CD163L1: variants seen among roughly 807,000 people sequenced by gnomAD.
CD163L1 encodes CD163 molecule like 1.
CD163L1 carries 124 observed loss-of-function variants against 165.4 expected under a neutral mutation model. That is an observed-to-expected ratio of 0.75 (90% CI 0.65 to 0.87). The LOEUF is 0.87. Among genes scored for constraint, CD163L1 ranks in the 40% least tolerant of loss-of-function variants. CD163L1 has a pLI of 0.00. For missense variants in CD163L1, 1,525 were observed against 1,799.9 expected (o/e 0.85, Z 2.76); for synonymous variants, 585 against 662.2 (o/e 0.88, Z 1.79).
At chr12:7,327,179 T>C in the CD163L1 span, 10 of 1,421,100 alleles carry the variant, frequency 7.0e-6, no homozygotes, top group African/African-American at 7.2e-5. Context: ...ATTTTGATTT[T>C]ATAGTAGCTC....
At chr12:7,321,292 A>T in the CD163L1 span, among the ~76,000 whole-genome samples, 1 of 152,252 alleles carries the variant, frequency 6.6e-6, no homozygotes, top group African/African-American at 2.4e-5. Flanking sequence ...AACAAAATTT[A>T]TGACTTGAAG....
intron 6 of CD163L1, among the ~76,000 whole-genome samples, chr12:7,399,075 T>C (rs1261458151): frequency 6.6e-6 from 1 of 152,220 alleles, no homozygotes; most frequent in Non-Finnish European, 1.5e-5. Context: ...TTTTTAATTC[T>C]TAATTTTTCC....
At chr12:7,428,448 G>T (rs1284128126) in intron 4 of CD163L1, among the ~76,000 whole-genome samples, 2 of 151,992 alleles carry the variant, frequency 1.3e-5, no homozygotes, top group East Asian at 3.9e-4. Context: ...ATCAGTCATT[G>T]TGTCTAGTAC....
In CD163L1 at chr12:7,368,119, C is replaced by G. The variant is rs374484836; in HGVS notation, c.4151G>C (p.Arg1384Pro). Residue 1384 changes from arginine to proline, a missense_variant, in exon 17 of 20, where the codon CGA (arginine) becomes CCA (proline). Physicochemically the swap from Arg to Pro is moderately radical, Grantham distance 103 (BLOSUM62 -2). Coordinates refer to ENST00000313599, the MANE Select transcript of CD163L1 (RefSeq NM_174941.6). The surrounding 1 kb of genome is among the most constrained non-coding windows in gnomAD (Gnocchi z 4.3). ...VLFILFLTWC[R>P]VQKQKHLPLR... is the part of the protein sequence containing the mutation. The stretch of plus-strand genomic sequence containing the variant: ...GGGCAGATGTTTTTGTTTCTGAACT[C>G]GGCACCACGTGAGAAATAGAATAAA... 6.2e-7 allele frequency: 1 copy of G among 1,611,590 alleles called. No homozygotes were observed. The highest frequency in any genetic ancestry group is 1.1e-5 in the South Asian group (1 of 91,024).
chr12:7,418,974 A>C (rs963709590), intron 4 of CD163L1, among the ~76,000 whole-genome samples: 1 of 152,102 alleles, frequency 6.6e-6, no homozygotes, highest in Non-Finnish European at 1.5e-5. Flanking sequence ...TACCAATCCT[A>C]TTGACACTAT....
intron 8 of CD163L1, 46 bp downstream of exon 8, chr12:7,396,049 A>G (rs1947766006): frequency 6.7e-7 from 1 of 1,496,724 alleles, no homozygotes; most frequent in African/African-American, 1.4e-5. Flanking sequence ...TATGTTAGAG[A>G]ACCCAGGCAG....
chr12:7,322,388 GA>G, the CD163L1 span: 9 of 1,612,594 alleles, frequency 5.6e-6, no homozygotes, highest in African/African-American at 2.7e-5. Flanking sequence ...GGTTCCTCTT[GA>G]AAAGACCCAT....
At chr12:7,390,319 T>C (rs1211922731) in intron 8 of CD163L1, among the ~76,000 whole-genome samples, 1 of 152,018 alleles carries the variant, frequency 6.6e-6, no homozygotes, top group African/African-American at 2.4e-5. Flanking sequence ...AAAAACAATA[T>C]ATTGTATATT....
At chr12:7,343,577 G>C (rs1279830574), downstream of CD163L1, among the ~76,000 whole-genome samples, 1 of 152,142 alleles carries the variant, frequency 6.6e-6, no homozygotes, top group Non-Finnish European at 1.5e-5. Context: ...AAAAGCAAAA[G>C]AGAGAGCAGG....
chr12:7,431,999 C>T (rs1488960156), intron 4 of CD163L1, among the ~76,000 whole-genome samples: 1 of 151,982 alleles, frequency 6.6e-6, no homozygotes, highest in African/African-American at 2.4e-5. Context: ...GGAAAGAGGG[C>T]AGCGTGAGAT....
intron 8 of CD163L1, 61 bp downstream of exon 8, chr12:7,396,034 G>A: frequency 7.3e-7 from 1 of 1,365,068 alleles, no homozygotes; most frequent in Non-Finnish European, 1.0e-6. Context: ...TAAGAAGAAA[G>A]AAGGTATGTT....
chr12:7,332,968 A>G, the CD163L1 span, among the ~76,000 whole-genome samples: 2 of 152,240 alleles, frequency 1.3e-5, no homozygotes, highest in South Asian at 4.1e-4. Flanking sequence ...TAAATGCTCC[A>G]GTTAAAAGAC....
chr12:7,421,622 CATATAT>C lies in CD163L1; in HGVS notation c.766+10788_766+10793del, dbSNP rs373543023. On this transcript the variant is annotated intron_variant, in intron 4 of 19. Coordinates refer to ENST00000313599, the MANE Select transcript of CD163L1 (RefSeq NM_174941.6). The stretch of plus-strand genomic sequence containing the variant: ...ATATGTACACATATACATATATGTA[CATATAT>C]ACATATATGTACACATATACATATA... Among the ~76,000 whole-genome samples the C allele has an allele frequency of 2.7e-3, 10 of 3,660 alleles. 1 individual carries two copies. Among genetic ancestry groups the C allele is most frequent in the South Asian group, 0.023 (1 of 44 alleles). 2.4% of individuals were successfully genotyped at this position (3,660 alleles called of 152,430 possible).
chr12:7,375,513 T>A lies in CD163L1; in HGVS notation c.2769A>T (p.Ser923=), dbSNP rs1480949850. ...VEINVLGHWG[S]LCDTHWDPED... ...CTGGGTCCCAGTGGGTGTCACACAG[T>A]GAGCCCCAGTGTCCAAGCACGTTGA... The change falls in exon 11 of 20, where the codon TCA becomes TCT. Residue 923 remains serine, a synonymous_variant. Transcript: ENST00000313599. 1 of 1,614,046 alleles carries A rather than the reference T, an allele frequency of 6.2e-7. No homozygotes were observed. The highest frequency in any genetic ancestry group is 1.7e-5 in the Admixed American group (1 of 60,022).
chr12:7,333,619 A>G, the CD163L1 span, among the ~76,000 whole-genome samples: 2 of 152,228 alleles, frequency 1.3e-5, no homozygotes, highest in African/African-American at 2.4e-5. Context: ...AAGCTAGCAG[A>G]AGGCAAGAAA....
intron 4 of CD163L1, among the ~76,000 whole-genome samples, chr12:7,428,793 G>A (rs1054297244): frequency 1.3e-5 from 2 of 152,058 alleles, no homozygotes; most frequent in Non-Finnish European, 2.9e-5. Flanking sequence ...CTTAAACATA[G>A]TGAAAATATA....
At chr12:7,362,266 T>C (rs1400693880) in intron 18 of CD163L1, among the ~76,000 whole-genome samples, 1 of 142,312 alleles carries the variant, frequency 7.0e-6, no homozygotes, top group Non-Finnish European at 1.5e-5. Flanking sequence ...GTATTTAATA[T>C]ATTACTTATA....
At chr12:7,380,851 C>T (rs1031679912) in intron 8 of CD163L1, among the ~76,000 whole-genome samples, 1 of 152,026 alleles carries the variant, frequency 6.6e-6, no homozygotes, top group Non-Finnish European at 1.5e-5. Flanking sequence ...TTGAAAGAGT[C>T]AGCTTTTGAA....
At chr12:7,329,886 A>G in the CD163L1 span, among the ~76,000 whole-genome samples, 13 of 152,222 alleles carry the variant, frequency 8.5e-5, no homozygotes, top group Admixed American at 1.3e-4. Context: ...AAAACAAACT[A>G]TCAAATCAAA....
Sources: allele counts gnomAD v4.1 joint callset (sites outside exome capture counted in the v4.1 genomes callset), GRCh38; gene constraint gnomAD v4.1.1; non-coding constraint Gnocchi (gnomAD v3.1); transcripts MANE v1.5; gene names NCBI Gene and HGNC (gene_info 2026-07-23, HGNC 2026-07-21).